Variants in AKAP11 observed in about 807,000 individuals in gnomAD.
AKAP11 encodes A-kinase anchoring protein 11.
In AKAP11, 36 loss-of-function variants were observed where a neutral mutation model predicts 146.1. The observed-to-expected ratio is 0.25, with a 90% confidence interval of 0.19 to 0.33. The LOEUF is 0.33. Ranked by LOEUF, AKAP11 falls within the 10% of genes least tolerant of loss-of-function variation. AKAP11 has a pLI of 1.00. For synonymous variants in AKAP11, 780 were observed against 786.5 expected (o/e 0.99, Z 0.14); for missense variants, 2,201 against 2,197.0 (o/e 1.00, Z -0.04).
At chr13:42,311,294 G>A (rs1960551804) in intron 9 of AKAP11, among the ~76,000 whole-genome samples, 1 of 152,198 alleles carries the variant, frequency 6.6e-6, no homozygotes, top group South Asian at 2.1e-4. Context: ...GCAGGGTAGT[G>A]TTTCAAGAGT....
At position 42,300,691 on chromosome 13, in the gene AKAP11, G is replaced by T. The variant is rs1224793690; in HGVS notation, c.1945G>T (p.Asp649Tyr). ...FTNTVARFAA[D>Y]LAEELVFEGI... ...AAACACAGTTGCTAGGTTTGCTGCA[G>T]ATCTTGCTGAAGAGCTTGTTTTTGA... Residue 649 changes from aspartate (D) to tyrosine (Y), a missense_variant, in exon 8 of 13, where the codon GAT (aspartate) becomes TAT (tyrosine). Coordinates refer to ENST00000025301, the MANE Select transcript of AKAP11 (RefSeq NM_016248.4). The T allele has an allele frequency of 6.2e-7, 1 of 1,614,116 alleles. No individual in the cohort carries two copies. The highest frequency in any genetic ancestry group is 8.5e-7 in the Non-Finnish European group (1 of 1,179,960).
rs116530152 is a variant in AKAP11, at chr13:42,290,457, T to C, written c.52-1928T>C. ...CTTAATAAACTATAAGGTGATCCTCTGAGACAGTATGAGTGTCCTTTTCCC... is the reference window on the plus strand; with the variant it reads ...CTTAATAAACTATAAGGTGATCCTCCGAGACAGTATGAGTGTCCTTTTCCC... On this transcript the variant is annotated intron_variant, in intron 3 of 12. Coordinates refer to ENST00000025301, the MANE Select transcript of AKAP11 (RefSeq NM_016248.4). 9.3e-3 allele frequency among the ~76,000 whole-genome samples: 1,419 copies of C among 152,328 alleles called. 24 individuals are homozygous for C. The highest frequency in any genetic ancestry group is 0.032 in the African/African-American group (1,323 of 41,578).
At chr13:42,305,953 A>C (rs561181066) in intron 8 of AKAP11, among the ~76,000 whole-genome samples, 13 of 152,264 alleles carry the variant, frequency 8.5e-5, no homozygotes, top group Non-Finnish European at 1.9e-4. Flanking sequence ...TAAAACCATC[A>C]GCTCTCATGA....
upstream of AKAP11, among the ~76,000 whole-genome samples, chr13:42,271,688 C>A (rs556012834): frequency 4.6e-5 from 7 of 152,158 alleles, no homozygotes; most frequent in Non-Finnish European, 8.8e-5. Context: ...AAGCCAAGGC[C>A]TGGGGACTTG....
rs3038992 is a variant in AKAP11 at position 42,319,906 on chromosome 13, GGTGTGTGTGTGTGTGTGT to G, written c.*705_*722del. The G allele has an allele frequency of 8.3e-5, 11 of 132,752 alleles. No individual in the cohort carries two copies. Among genetic ancestry groups the G allele is most frequent in the East Asian group, 2.4e-4 (1 of 4,248 alleles). 8.2% of individuals were successfully genotyped at this position (132,752 alleles called of 1,614,324 possible). ...TGCTGCCAGTCATTCTGGCATGAAA[GGTGTGTGTGTGTGTGTGT>G]GTGTGTGTGTGTGTGTGTGTGTGTG... On this transcript the variant is annotated 3_prime_UTR_variant, in exon 13 of 13. Coordinates refer to ENST00000025301, the MANE Select transcript of AKAP11 (RefSeq NM_016248.4).
At position 42,301,835 on chromosome 13, in the gene AKAP11, C is replaced by G; in HGVS notation, c.3089C>G (p.Thr1030Arg). 1.9e-6 allele frequency: 3 copies of G among 1,614,160 alleles called. No individual in the cohort carries two copies. The highest frequency in any genetic ancestry group is 2.5e-6 in the Non-Finnish European group (3 of 1,180,012). Residue 1030 changes from threonine to arginine, a missense_variant, in exon 8 of 13, where the codon ACA becomes AGA. By Grantham distance (71) the Thr-to-Arg change is moderately conservative (BLOSUM62 -1). Coordinates refer to ENST00000025301, the MANE Select transcript of AKAP11 (RefSeq NM_016248.4). ...LETLPSCPAV[T>R]GQKSDLKESA... ...ACACTGCCATCTTGTCCAGCTGTGA[C>G]AGGTCAGAAATCTGACTTGAAGGAA...
intron 9 of AKAP11, among the ~76,000 whole-genome samples, chr13:42,309,329 A>G (rs1960438441): frequency 6.6e-6 from 1 of 152,238 alleles, no homozygotes; most frequent in Non-Finnish European, 1.5e-5. Context: ...ATAACTGGAA[A>G]TAATAGATAC....
At position 42,302,621 on chromosome 13, in the gene AKAP11, C is replaced by G. The variant is rs1012327765; in HGVS notation, c.3875C>G (p.Ala1292Gly). ...AAGCAAAAGAAGAACAGTTGTTATGCTGATGGTGACGAAGATTATAAAGTA... is the reference window on the plus strand; with the variant it reads ...AAGCAAAAGAAGAACAGTTGTTATGGTGATGGTGACGAAGATTATAAAGTA... ...LFKQKKNSCY[A>G]DGDEDYKVEE... Residue 1292 changes from alanine to glycine, a missense_variant, in exon 8 of 13, where the codon GCT becomes GGT. Ala to Gly is a moderately conservative substitution (Grantham distance 60). Coordinates refer to ENST00000025301, the MANE Select transcript of AKAP11 (RefSeq NM_016248.4). The G allele has an allele frequency of 2.5e-6, 4 of 1,614,100 alleles. No homozygotes were observed. The African/African-American group carries it at 5.3e-5, about 22-fold the overall frequency.
At position 42,303,548 on chromosome 13, in the gene AKAP11, A is replaced by G. The variant is rs1313999003; in HGVS notation, c.4802A>G (p.Asn1601Ser). ...AAAGAACTCCACAATTGCACTGGAA[A>G]TTCATCTCAGCACTTTTTCAGACAG... ...DLKELHNCTG[N>S]SSQHFFRQGS... The change falls in exon 8 of 13, where the codon AAT becomes AGT. Residue 1601 changes from asparagine (N) to serine (S), a missense_variant. Physicochemically the swap from Asn to Ser is conservative, Grantham distance 46 (BLOSUM62 1). Transcript: ENST00000025301. The G allele has an allele frequency of 1.2e-6, 2 of 1,614,066 alleles. No homozygotes were observed. Among genetic ancestry groups the G allele is most frequent in the Non-Finnish European group, 1.7e-6 (2 of 1,180,026 alleles).
rs777398911 is a variant in AKAP11 at position 42,300,259 on chromosome 13, C to T, written c.1513C>T (p.Arg505Cys). ...ATGTGAAGTACTAGGCTCAGTTCTT[C>T]GTACCCACCATACTAATACCCTATC... ...ISCEVLGSVL[R>C]THHTNTLSNI... The change falls in exon 8 of 13, where the codon CGT (arginine) becomes TGT (cysteine). Residue 505 changes from arginine (R) to cysteine (C), a missense_variant. Arg to Cys is a radical substitution (Grantham distance 180). Coordinates refer to ENST00000025301, the MANE Select transcript of AKAP11 (RefSeq NM_016248.4). 3.5e-5 allele frequency: 56 copies of T among 1,613,686 alleles called. No homozygotes were observed. Among genetic ancestry groups the T allele is most frequent in the South Asian group, 1.6e-4 (15 of 91,062 alleles).
intron 2 of AKAP11, 131 bp from the exon 3 acceptor site, chr13:42,286,169 T>G (rs1297229159): frequency 4.9e-6 from 2 of 405,946 alleles, no homozygotes; most frequent in Admixed American, 8.8e-5. Context: ...TTGGGGGGGG[T>G]GCTCAGATTA....
intron 6 of AKAP11, among the ~76,000 whole-genome samples, chr13:42,298,057 A>T (rs879395366): frequency 1.3e-5 from 2 of 152,108 alleles, no homozygotes; most frequent in Non-Finnish European, 2.9e-5. Flanking sequence ...ATGCTAGGGA[A>T]ATTTAAGTAA....
intron 3 of AKAP11, among the ~76,000 whole-genome samples, chr13:42,290,864 A>G (rs1959201348): frequency 6.6e-6 from 1 of 152,152 alleles, no homozygotes; most frequent in South Asian, 2.1e-4. Flanking sequence ...GGAACCAGCC[A>G]TTTCCCCAGG....
intron 12 of AKAP11, 139 bp downstream of exon 12, chr13:42,317,827 C>G: frequency 3.2e-6 from 3 of 929,008 alleles, no homozygotes; most frequent in Non-Finnish European, 4.7e-6. Context: ...CAGACATCAG[C>G]TCTGCCACTT....
chr13:42,318,287 C>G (rs141147498), intron 12 of AKAP11, among the ~76,000 whole-genome samples: 1 of 152,220 alleles, frequency 6.6e-6, no homozygotes, highest in African/African-American at 2.4e-5. Flanking sequence ...TAGAAATATT[C>G]GAATTGTGGT....
At chr13:42,303,931 A>G in intron 8 of AKAP11, 68 bp downstream of exon 8, 1 of 1,478,612 alleles carries the variant, frequency 6.8e-7, no homozygotes, top group Non-Finnish European at 9.0e-7. Context: ...TATATGTCTT[A>G]GGTCCTGTTC....
chr13:42,292,298 G>A lies in AKAP11; in HGVS notation c.52-87G>A, dbSNP rs1046179965. ...CCAGTGAATATTAGTTAGAGAATGA[G>A]TGACTATCTAAAACATCTCCAGGAT... On this transcript the variant is annotated intron_variant, in intron 3 of 12. Transcript: ENST00000025301. 3 of 685,004 alleles carry A rather than the reference G, an allele frequency of 4.4e-6. No individual in the cohort carries two copies. The African/African-American group carries it at 5.3e-5, about 12-fold the overall frequency. 42.4% of individuals were successfully genotyped at this position (685,004 alleles called of 1,614,324 possible). A position where few individuals can be genotyped will look rare whatever the true frequency, so the allele number is the denominator to read the frequency against.
Position 42,319,185 on chromosome 13 carries a change from A to G in AKAP11, c.5663A>G (p.Glu1888Gly). Residue 1888 changes from glutamate to glycine, a missense_variant, in exon 13 of 13, where the codon GAG (glutamate) becomes GGG (glycine). Glu to Gly is a moderately conservative substitution (Grantham distance 98, BLOSUM62 -2). Transcript: ENST00000025301. ...GTGATGGAAAAAGCTTCCAGTGAGG[A>G]GAGATGCAAGTCGCTGTTTGATTGG... ...YEVMEKASSEERCKSLFDWLL... is the reference protein window; with the variant it reads ...YEVMEKASSEGRCKSLFDWLL... The G allele has an allele frequency of 6.2e-7, 1 of 1,614,050 alleles. No individual in the cohort carries two copies. The highest frequency in any genetic ancestry group is 8.5e-7 in the Non-Finnish European group (1 of 1,179,968).
chr13:42,306,252 AT>A lies in AKAP11; in HGVS notation c.5118-2198del, dbSNP rs1429080726. 2.0e-5 allele frequency among the ~76,000 whole-genome samples: 3 copies of A among 152,174 alleles called. No homozygotes were observed. In the East Asian group the frequency reaches 5.8e-4, roughly 29 times the overall value. ...ATTAGGCCTTTTTACAATTGAAATAATTTTCCTCATACAGGTTGCTTCAGGC... is the reference window on the plus strand; with the variant it reads ...ATTAGGCCTTTTTACAATTGAAATAATTTCCTCATACAGGTTGCTTCAGGC... On this transcript the variant is annotated intron_variant, in intron 8 of 12. Transcript: ENST00000025301.
Sources: gnomAD v4.1 joint callset for allele counts (sites outside exome capture counted in the v4.1 genomes callset) on GRCh38, gnomAD v4.1.1 for gene constraint, MANE v1.5 for transcripts, NCBI Gene and HGNC (gene_info 2026-07-23, HGNC 2026-07-21) for gene names.